The following TGFB1 variants were observed in gnomAD, a reference collection of about 807,000 sequenced individuals.
TGFB1 encodes transforming growth factor beta 1.
TGFB1 carries 19 observed loss-of-function variants against 43.8 expected under a neutral mutation model. The observed-to-expected ratio is 0.43, with a 90% confidence interval of 0.30 to 0.64. TGFB1 has a LOEUF of 0.64. Ranked by LOEUF, TGFB1 falls within the 30% of genes least tolerant of loss-of-function variation. The probability of loss-of-function intolerance (pLI) is 0.11; values close to 1 mark genes in which losing one functional copy is unlikely to be tolerated. For synonymous variants in TGFB1, 221 were observed against 236.3 expected (o/e 0.94, Z 0.60); for missense variants, 445 against 529.8 (o/e 0.84, Z 1.57).
At position 41,331,129 on chromosome 19, in the gene TGFB1, T is replaced by C. The variant is rs866738660; in HGVS notation, c.1096A>G (p.Ile366Val). 1 of 1,578,204 alleles carries C rather than the reference T, an allele frequency of 6.3e-7. No individual in the cohort carries two copies. The highest frequency in any genetic ancestry group is 8.6e-7 in the Non-Finnish European group (1 of 1,164,104). ...GGCTTGCGGCCCACGTAGTACACGA[T>C]GGGCAGCGGCTCCAGCGCCTGCGGC... ...CVPQALEPLP[I>V]VYYVGRKPKV... The change falls in exon 7 of 7, where the codon ATC becomes GTC. Residue 366 changes from isoleucine (I) to valine (V), a missense_variant. Coordinates refer to ENST00000221930, the MANE Select transcript of TGFB1 (RefSeq NM_000660.7).
At chr19:41,333,134 C>T (rs1191500569) in intron 5 of TGFB1, among the ~76,000 whole-genome samples, 1 of 152,020 alleles carries the variant, frequency 6.6e-6, no homozygotes. Context: ...TCTGCTGTTC[C>T]CTCTGCCTGC....
intron 1 of TGFB1, among the ~76,000 whole-genome samples, chr19:41,350,528 C>G (rs1458565518): frequency 6.6e-6 from 1 of 151,954 alleles, no homozygotes; most frequent in Non-Finnish European, 1.5e-5. Context: ...GGCTGGTCTC[C>G]AACTCCTGAC....
Position 41,345,079 on chromosome 19 carries a change from C to T in TGFB1, c.517-215G>A, listed in dbSNP as rs10405403. 4.4e-3 allele frequency among the ~76,000 whole-genome samples: 668 copies of T among 152,294 alleles called. 5 individuals carry two copies. The highest frequency in any genetic ancestry group is 0.015 in the African/African-American group (612 of 41,560). ...AGGGGTGGAGAAAAAGCTCAGGCTG[C>T]GGTCAAGTCACCTTCACACAGCTCA... On this transcript the variant is annotated intron_variant, in intron 2 of 6. Coordinates refer to ENST00000221930, the MANE Select transcript of TGFB1 (RefSeq NM_000660.7).
chr19:41,340,251 CTTTTTTTTTT>C (rs3061188), intron 5 of TGFB1, among the ~76,000 whole-genome samples: 22 of 125,198 alleles, frequency 1.8e-4, no homozygotes, highest in Admixed American at 2.4e-4. Context: ...CACTTTCTTT[CTTTTTTTTTT>C]TTTTTTTTTT....
chr19:41,342,820 C>T (rs755253154), intron 3 of TGFB1, among the ~76,000 whole-genome samples: 18 of 151,786 alleles, frequency 1.2e-4, no homozygotes, highest in Non-Finnish European at 2.2e-4. Flanking sequence ...CCGGCCTACA[C>T]GGCTACTTTT....
intron 6 of TGFB1, 96 bp from the exon 7 acceptor site, chr19:41,331,306 T>C: frequency 7.3e-7 from 1 of 1,361,418 alleles, no homozygotes; most frequent in Non-Finnish European, 9.6e-7. Context: ...CGCCAGCCTC[T>C]CTCACTTCGT....
intron 1 of TGFB1, among the ~76,000 whole-genome samples, chr19:41,350,456 C>A (rs1348978249): frequency 6.6e-6 from 1 of 151,980 alleles, no homozygotes; most frequent in African/African-American, 2.4e-5. Context: ...AGGCGCCGCC[C>A]GCCACCCCGC....
chr19:41,345,012 G>A (rs2038100317), intron 2 of TGFB1, 148 bp from the exon 3 acceptor site: 5 of 746,744 alleles, frequency 6.7e-6, no homozygotes, highest in Non-Finnish European at 1.2e-5. Context: ...CCACCTGTGT[G>A]GTCCTGTGGC....
In TGFB1 at chr19:41,353,144, G is replaced by A. The variant is rs1400485631; in HGVS notation, c.-100C>T. ...GGGGCTGGGGGTCTCCCGGCAAAAG[G>A]TAGGAGGGCCTCGAGGGAAAGCTGA... On this transcript the variant is annotated 5_prime_UTR_variant, in exon 1 of 7. Coordinates refer to ENST00000221930, the MANE Select transcript of TGFB1 (RefSeq NM_000660.7). This position sits in a 1 kb window ranked among gnomAD's most constrained non-coding sequence, Gnocchi z 5.9. 4 of 1,387,838 alleles carry A rather than the reference G, an allele frequency of 2.9e-6. No individual in the cohort carries two copies. The African/African-American group carries it at 6.0e-5, about 21-fold the overall frequency. The allele number at this position is 1,387,838 out of a possible 1,614,324, so 86.0% of individuals were successfully genotyped here.
intron 1 of TGFB1, among the ~76,000 whole-genome samples, chr19:41,348,926 CTG>C (rs1218289130): frequency 6.6e-6 from 1 of 151,970 alleles, no homozygotes; most frequent in African/African-American, 2.4e-5. Context: ...CCAGCCCTGA[CTG>C]TGATACTTTT....
intron 5 of TGFB1, among the ~76,000 whole-genome samples, chr19:41,336,067 C>G (rs2037985430): frequency 6.8e-6 from 1 of 148,116 alleles, no homozygotes; most frequent in African/African-American, 2.5e-5. Flanking sequence ...GCAATCTTGG[C>G]TCACTGCAAC....
chr19:41,348,285 A>G lies in TGFB1; in HGVS notation c.516+10T>C, dbSNP rs370500467. 6.2e-7 allele frequency: 1 copy of G among 1,612,104 alleles called. No homozygotes were observed. The highest frequency in any genetic ancestry group is 1.7e-5 in the Admixed American group (1 of 59,984). On this transcript the variant is annotated intron_variant, in intron 2 of 6. Coordinates refer to ENST00000221930, the MANE Select transcript of TGFB1 (RefSeq NM_000660.7). ...CATGCCCTGACCTTCCTTCTGGCTCATGTCCTCACCTGGTACAGCTCCACG... is the reference window on the plus strand; with the variant it reads ...CATGCCCTGACCTTCCTTCTGGCTCGTGTCCTCACCTGGTACAGCTCCACG...
chr19:41,335,964 G>A (rs1401897764), intron 5 of TGFB1, among the ~76,000 whole-genome samples: 1 of 151,766 alleles, frequency 6.6e-6, no homozygotes, highest in Non-Finnish European at 1.5e-5. Context: ...TAGTGTTCGA[G>A]CTGCCTTAAG....
At chr19:41,351,598 C>A (rs182511444) in intron 1 of TGFB1, among the ~76,000 whole-genome samples, 1 of 152,274 alleles carries the variant, frequency 6.6e-6, no homozygotes, top group Non-Finnish European at 1.5e-5. Flanking sequence ...ACTTTGGGGT[C>A]CAGACTGCCA....
chr19:41,336,459 A>C lies in TGFB1; in HGVS notation c.861-4178T>G, dbSNP rs543294092. ...GAGTGCAGTGGTGCAATCACAGCTC[A>C]CTGTGGCCTCCAGCTCCTGGGGCTC... On this transcript the variant is annotated intron_variant, in intron 5 of 6. Coordinates refer to ENST00000221930, the MANE Select transcript of TGFB1 (RefSeq NM_000660.7). 4.0e-5 allele frequency among the ~76,000 whole-genome samples: 6 copies of C among 149,650 alleles called. No homozygotes were observed. In the East Asian group the frequency reaches 1.2e-3, roughly 29 times the overall value.
In TGFB1 at chr19:41,339,607, G is replaced by A. The variant is rs186406083; in HGVS notation, c.860+2276C>T. ...TGGGAGGCCGAGGCGGGTGGATCAC[G>A]AGGTCAGGAGTTCGAGACCAGCCTG... On this transcript the variant is annotated intron_variant, in intron 5 of 6. Coordinates refer to ENST00000221930, the MANE Select transcript of TGFB1 (RefSeq NM_000660.7). Among the ~76,000 whole-genome samples the A allele has an allele frequency of 3.3e-3, 505 of 152,022 alleles. 10 individuals are homozygous for A. The highest frequency in any genetic ancestry group is 0.03 in the Admixed American group (461 of 15,264).
At position 41,352,789 on chromosome 19, in the gene TGFB1, C is replaced by A. The variant is rs201155269; in HGVS notation, c.256G>T (p.Asp86Tyr). The A allele has an allele frequency of 1.7e-5, 28 of 1,609,568 alleles. 1 individual carries two copies. Among genetic ancestry groups the A allele is most frequent in the Non-Finnish European group, 2.2e-5 (26 of 1,177,492 alleles). ...TCTGCACTCTCCCCGGCCACCCGGT[C>A]GCGGGTGCTGTTGTACAGGGCGAGC... ...AVLALYNSTRDRVAGESAEPE... is the reference protein window; with the variant it reads ...AVLALYNSTRYRVAGESAEPE... The change falls in exon 1 of 7, where the codon GAC becomes TAC. Residue 86 changes from aspartate (D) to tyrosine (Y), a missense_variant. By Grantham distance (160) the Asp-to-Tyr change is radical. Transcript: ENST00000221930.
At chr19:41,331,517 C>T (rs1253968368) in intron 6 of TGFB1, among the ~76,000 whole-genome samples, 2 of 151,764 alleles carry the variant, frequency 1.3e-5, no homozygotes, top group South Asian at 2.1e-4. Context: ...ATCCTCCCGC[C>T]TCAGCCTCCG....
chr19:41,352,060 C>T (rs1458109710), intron 1 of TGFB1, among the ~76,000 whole-genome samples: 2 of 152,058 alleles, frequency 1.3e-5, no homozygotes, highest in East Asian at 1.9e-4. Flanking sequence ...CCTCCCGTCC[C>T]TTTCTCCCCA....
Sources: allele counts gnomAD v4.1 joint callset (sites outside exome capture counted in the v4.1 genomes callset), GRCh38; gene constraint gnomAD v4.1.1; non-coding constraint Gnocchi (gnomAD v3.1); transcripts MANE v1.5; gene names NCBI Gene and HGNC (gene_info 2026-07-23, HGNC 2026-07-21).